KIDINS220: variants seen among roughly 807,000 people sequenced by gnomAD.
KIDINS220 encodes the protein kinase D-interacting substrate of 220 kDa.
KIDINS220 carries 63 observed loss-of-function variants against 157.6 expected under a neutral mutation model. The ratio of observed to expected loss-of-function variants is 0.40; its 90% CI spans 0.33 to 0.49. The LOEUF (loss-of-function observed/expected upper bound fraction) is 0.49, where lower values mean the gene tolerates loss of function less well. Ranked by LOEUF, KIDINS220 falls within the 20% of genes least tolerant of loss-of-function variation. The pLI, the probability that KIDINS220 is intolerant of heterozygous loss-of-function variation, is 0.66. For synonymous variants in KIDINS220, 732 were observed against 783.6 expected (o/e 0.93, Z 1.10); for missense variants, 1,772 against 2,171.2 (o/e 0.82, Z 3.65).
chr2:8,727,701 T>C (rs911234918), downstream of KIDINS220, among the ~76,000 whole-genome samples: 3 of 152,258 alleles, frequency 2.0e-5, no homozygotes, highest in Non-Finnish European at 4.4e-5. Flanking sequence ...CAAGTAAGTT[T>C]CATTTAAAAT....
chr2:8,727,168 C>T (rs1476050731), downstream of KIDINS220: 5 of 1,159,772 alleles, frequency 4.3e-6, no homozygotes, highest in East Asian at 1.8e-4. Flanking sequence ...ACTCAAAACG[C>T]GATAGTCTCA....
In KIDINS220 at chr2:8,730,846, T is replaced by C. The variant is rs1663952288; in HGVS notation, c.5190A>G (p.Lys1730=). ...NPTTIQNENL[K]SMTHKRSQRS... is the part of the protein sequence containing the mutation. ...GTTGGCTTCGCTTATGTGTCATGCT[T>C]TTTAGATTCTCATTCTGAATAGTGG... Residue 1730 remains lysine (K), a synonymous_variant, in exon 30 of 30, where the codon AAA becomes AAG. Transcript: ENST00000256707. 1.9e-6 allele frequency: 3 copies of C among 1,614,076 alleles called. No homozygotes were observed. The South Asian group carries it at 3.3e-5, about 18-fold the overall frequency.
intron 2 of KIDINS220, among the ~76,000 whole-genome samples, chr2:8,822,414 A>T (rs749666704): frequency 6.6e-5 from 10 of 152,172 alleles, no homozygotes; most frequent in Non-Finnish European, 1.3e-4. Flanking sequence ...ACTTGTGCCC[A>T]GGAGTTGTAG....
intron 18 of KIDINS220, 86 bp downstream of exon 18, chr2:8,779,588 T>C (rs1390934185): frequency 7.0e-7 from 1 of 1,418,468 alleles, no homozygotes; most frequent in African/African-American, 1.4e-5. Flanking sequence ...ACCAATTCCG[T>C]TCTATTTTTA....
chr2:8,729,695 C>G lies in KIDINS220; in HGVS notation c.*1025G>C. 1 of 984,998 alleles carries G rather than the reference C, an allele frequency of 1.0e-6. No homozygotes were observed. The highest frequency in any genetic ancestry group is 1.2e-6 in the Non-Finnish European group (1 of 829,598). The allele number at this position is 984,998 out of a possible 1,614,324, so 61.0% of individuals were successfully genotyped here. A position where few individuals can be genotyped will look rare whatever the true frequency, so the allele number is the denominator to read the frequency against. ...CAGAACTAACATGCTGACTTAGGAA[C>G]AGATGAAGTAGATAAAGTCTATCCT... On this transcript the variant is annotated 3_prime_UTR_variant, in exon 30 of 30. Transcript: ENST00000256707.
At chr2:8,757,601 T>G in intron 22 of KIDINS220, 4 of 1,581,440 alleles carry the variant, frequency 2.5e-6, no homozygotes, top group Non-Finnish European at 3.4e-6. Flanking sequence ...TATTTGCCAT[T>G]TTCAGTCCTT....
intron 26 of KIDINS220, among the ~76,000 whole-genome samples, chr2:8,744,303 A>G (rs1185596984): frequency 7.3e-6 from 1 of 137,350 alleles, no homozygotes; most frequent in Non-Finnish European, 1.6e-5. Flanking sequence ...TTAATGTGAG[A>G]AAACTCAATG....
intron 1 of KIDINS220, among the ~76,000 whole-genome samples, chr2:8,828,432 A>G (rs1679142761): frequency 6.6e-6 from 1 of 152,216 alleles, no homozygotes; most frequent in Admixed American, 6.5e-5. Flanking sequence ...AAAAAATGAC[A>G]TATTGTTCAC....
At chr2:8,787,985 C>T (rs1672653414) in intron 15 of KIDINS220, among the ~76,000 whole-genome samples, 1 of 152,174 alleles carries the variant, frequency 6.6e-6, no homozygotes, top group African/African-American at 2.4e-5. Flanking sequence ...GGGACCAAGG[C>T]CAGTGGCTGG....
chr2:8,762,064 C>T (rs958970404), intron 22 of KIDINS220, among the ~76,000 whole-genome samples: 1 of 152,106 alleles, frequency 6.6e-6, no homozygotes, highest in Non-Finnish European at 1.5e-5. Context: ...ATACATAATG[C>T]TCTTACTATA....
intron 17 of KIDINS220, among the ~76,000 whole-genome samples, chr2:8,783,198 A>AG (rs386389495): frequency 7.8e-5 from 1 of 12,780 alleles, no homozygotes; most frequent in East Asian, 3.9e-3. Flanking sequence ...ACTCCGTCTC[A>AG]AAAAAAAAAA....
At chr2:8,725,790 T>C (rs1441915410), downstream of KIDINS220, among the ~76,000 whole-genome samples, 1 of 152,238 alleles carries the variant, frequency 6.6e-6, no homozygotes, top group Non-Finnish European at 1.5e-5. Context: ...TAATTCTACA[T>C]TGCTTCTAAA....
intron 26 of KIDINS220, among the ~76,000 whole-genome samples, chr2:8,744,432 A>C (rs1249740820): frequency 9.7e-6 from 1 of 103,368 alleles, no homozygotes; most frequent in Non-Finnish European, 1.9e-5. Context: ...ATATATATAT[A>C]TATATATATA....
rs551798125 is a variant in KIDINS220, at chr2:8,770,279, G to A, written c.3011+391C>T. Among the ~76,000 whole-genome samples the A allele has an allele frequency of 6.6e-5, 10 of 152,180 alleles. No individual in the cohort carries two copies. In the South Asian group the frequency reaches 1.9e-3, roughly 28 times the overall value. ...GAAAGAGCCAGGAGTCCTGGTGCACGCCTACAGTCCTAGCTACTTGGGAGG... is the reference window on the plus strand; with the variant it reads ...GAAAGAGCCAGGAGTCCTGGTGCACACCTACAGTCCTAGCTACTTGGGAGG... On this transcript the variant is annotated intron_variant, in intron 22 of 29. Transcript: ENST00000256707.
At chr2:8,734,871 G>C in intron 27 of KIDINS220, 118 bp from the exon 28 acceptor site, 1 of 639,308 alleles carries the variant, frequency 1.6e-6, no homozygotes, top group East Asian at 3.0e-5. Flanking sequence ...AGACCAGAAA[G>C]GCTGACCAAA....
chr2:8,744,363 CAAAAAAAAAAAAAAAAA>C (rs547083543), intron 26 of KIDINS220, among the ~76,000 whole-genome samples: 9 of 9,324 alleles, frequency 9.7e-4, no homozygotes, highest in East Asian at 5.3e-3. Flanking sequence ...TTCCTCATGG[CAAAAAAAAAAAAAAAAA>C]AAAAAAAAAT....
intron 23 of KIDINS220, 150 bp downstream of exon 23, chr2:8,751,316 A>T (rs1667333350): frequency 5.6e-6 from 3 of 533,902 alleles, no homozygotes; most frequent in African/African-American, 4.0e-5. Flanking sequence ...CAAGACTCCT[A>T]ATCTTTAATT....
rs1487689594 is a variant in KIDINS220, at chr2:8,754,513, G to C, written c.3012-2869C>G. 2.0e-5 allele frequency among the ~76,000 whole-genome samples: 3 copies of C among 152,198 alleles called. No homozygotes were observed. The East Asian group carries it at 5.8e-4, about 29-fold the overall frequency. The stretch of plus-strand genomic sequence containing the variant: ...ATCATGTGAATTAAAGTTGCCAGCA[G>C]TTAAATGGCCCAAAGAAAGCATTAT... On this transcript the variant is annotated intron_variant, in intron 22 of 29. Coordinates refer to ENST00000256707, the MANE Select transcript of KIDINS220 (RefSeq NM_020738.4).
chr2:8,758,097 A>G (rs1160419663), intron 22 of KIDINS220, among the ~76,000 whole-genome samples: 1 of 152,202 alleles, frequency 6.6e-6, no homozygotes, highest in Non-Finnish European at 1.5e-5. Context: ...TCCTGACCTC[A>G]GGTGATCTGC....
Sources: allele counts gnomAD v4.1 joint callset (sites outside exome capture counted in the v4.1 genomes callset), GRCh38; gene constraint gnomAD v4.1.1; transcripts MANE v1.5; gene names NCBI Gene and HGNC (gene_info 2026-07-23, HGNC 2026-07-21).